The following MAP3K1 variants were observed in gnomAD, a reference collection of about 807,000 sequenced individuals.
MAP3K1 encodes the protein MAP/ERK kinase kinase 1.
In MAP3K1, 36 loss-of-function variants were observed where a neutral mutation model predicts 144.2. The observed-to-expected ratio is 0.25, with a 90% CI of 0.19 to 0.33. The LOEUF (loss-of-function observed/expected upper bound fraction) is 0.33. Among genes scored for constraint, MAP3K1 ranks in the 10% least tolerant of loss-of-function variants. MAP3K1 has a pLI of 1.00. For synonymous variants in MAP3K1, 718 were observed against 688.7 expected, an observed-to-expected ratio of 1.04 and a Z score of -0.67; for missense variants, 1,650 against 1,881.9, an observed-to-expected ratio of 0.88 and a Z score of 2.28.
chr5:56,887,102 A>G (rs940923233), intron 17 of MAP3K1, among the ~76,000 whole-genome samples: 1 of 152,202 alleles, frequency 6.6e-6, no homozygotes, highest in Non-Finnish European at 1.5e-5. Context: ...GTTTTCTGTC[A>G]TTAGTCTTTT....
intron 1 of MAP3K1, chr5:56,817,070 C>A (rs1362464539): frequency 1.0e-6 from 1 of 985,272 alleles, no homozygotes; most frequent in Non-Finnish European, 1.2e-6. Flanking sequence ...CGGTGGGCTT[C>A]GGCTCAGATG....
At position 56,859,762 on chromosome 5, in the gene MAP3K1, C is replaced by T. The variant is rs776313345; in HGVS notation, c.681C>T (p.His227=). Reference sequence around the variant, plus strand: ...AAGGAGATGGATCTGAAATGAATCACTTAGCAGCTGAGTCTCCAGGAGAGG... The same window carrying T: ...AAGGAGATGGATCTGAAATGAATCATTTAGCAGCTGAGTCTCCAGGAGAGG... ...PVKGDGSEMN[H]LAAESPGEVQ... Residue 227 remains histidine, a synonymous_variant, in exon 3 of 20, where the codon CAC becomes CAT. Coordinates refer to ENST00000399503, the MANE Select transcript of MAP3K1 (RefSeq NM_005921.2). The T allele has an allele frequency of 5.0e-6, 8 of 1,613,922 alleles. No homozygotes were observed. Among genetic ancestry groups the T allele is most frequent in the Non-Finnish European group, 6.8e-6 (8 of 1,179,994 alleles).
At chr5:56,874,060 C>G (rs897943783) in intron 9 of MAP3K1, among the ~76,000 whole-genome samples, 1 of 152,106 alleles carries the variant, frequency 6.6e-6, no homozygotes, top group African/African-American at 2.4e-5. Flanking sequence ...ACATTCCTAG[C>G]TTTTTATTAA....
intron 1 of MAP3K1, among the ~76,000 whole-genome samples, chr5:56,828,579 T>C (rs1746388226): frequency 6.6e-6 from 1 of 152,218 alleles, no homozygotes; most frequent in African/African-American, 2.4e-5. Flanking sequence ...CATTAAGTGA[T>C]GAGAAAATCT....
intron 19 of MAP3K1, among the ~76,000 whole-genome samples, chr5:56,891,159 C>CCCA (rs1554036746): frequency 2.8e-5 from 4 of 144,984 alleles, no homozygotes; most frequent in Non-Finnish European, 6.0e-5. Flanking sequence ...CCCCCCCCCC[C>CCCA]CACACACACA....
chr5:56,880,638 A>G, intron 11 of MAP3K1, 73 bp from the exon 12 acceptor site: 2 of 974,272 alleles, frequency 2.1e-6, no homozygotes, highest in East Asian at 2.4e-5. Flanking sequence ...ACAAGGCATT[A>G]CATTACTCCT....
intron 1 of MAP3K1, among the ~76,000 whole-genome samples, chr5:56,822,084 A>C (rs1746172576): frequency 1.3e-5 from 2 of 152,066 alleles, no homozygotes; most frequent in Non-Finnish European, 2.9e-5. Context: ...GCAGTGGCGC[A>C]ATCTTTGCTC....
intron 6 of MAP3K1, among the ~76,000 whole-genome samples, chr5:56,868,821 C>A (rs1747762484): frequency 6.6e-6 from 1 of 151,922 alleles, no homozygotes; most frequent in Admixed American, 6.6e-5. Context: ...ACCCAGGTGT[C>A]CATCAATAAA....
intron 1 of MAP3K1, among the ~76,000 whole-genome samples, chr5:56,841,342 C>T (rs551238662): frequency 5.9e-5 from 9 of 152,068 alleles, no homozygotes; most frequent in African/African-American, 2.2e-4. Context: ...ATACATAATA[C>T]GTGCCTCTCT....
At chr5:56,840,592 C>G (rs1022499797) in intron 1 of MAP3K1, among the ~76,000 whole-genome samples, 1 of 152,160 alleles carries the variant, frequency 6.6e-6, no homozygotes, top group Non-Finnish European at 1.5e-5. Flanking sequence ...TGTATCCCAG[C>G]TTTTCTCCTT....
In MAP3K1 at chr5:56,820,474, A is replaced by G. The variant is rs557354527; in HGVS notation, c.482+4419A>G. The G allele has an allele frequency of 6.1e-6, 6 of 984,356 alleles. No homozygotes were observed. In the South Asian group the frequency reaches 2.8e-4, roughly 46 times the overall value. 61.0% of individuals were successfully genotyped at this position (984,356 alleles called of 1,614,324 possible). A position where few individuals can be genotyped will look rare whatever the true frequency, so the allele number is the denominator to read the frequency against. On this transcript the variant is annotated intron_variant, in intron 1 of 19. Transcript: ENST00000399503. Reference sequence around the variant, plus strand: ...CTGTGCTAAGTTTGCCTGTTAATGTATATAATAGGTATGTTTCTGTAACCT... The same window carrying G: ...CTGTGCTAAGTTTGCCTGTTAATGTGTATAATAGGTATGTTTCTGTAACCT...
At chr5:56,884,954 A>G (rs55746772) in intron 16 of MAP3K1, 128 bp downstream of exon 16, 14,317 of 740,562 alleles carry the variant, frequency 0.019, 197 homozygotes, top group Middle Eastern at 0.037. Flanking sequence ...AATCACCCCA[A>G]TATATTAGTA....
intron 1 of MAP3K1, among the ~76,000 whole-genome samples, chr5:56,819,355 A>G (rs1216608977): frequency 1.3e-5 from 2 of 152,158 alleles, no homozygotes. Flanking sequence ...TATGTTGCAT[A>G]TTTTAGAAAT....
At chr5:56,869,102 AAAAG>A (rs1197922306) in intron 6 of MAP3K1, among the ~76,000 whole-genome samples, 9 of 150,856 alleles carry the variant, frequency 6.0e-5, no homozygotes, top group Non-Finnish European at 1.2e-4. Context: ...AAAAAAAGAG[AAAAG>A]AAAGAAAAGA....
At chr5:56,841,128 G>A (rs1010498915) in intron 1 of MAP3K1, among the ~76,000 whole-genome samples, 3 of 151,520 alleles carry the variant, frequency 2.0e-5, no homozygotes, top group Non-Finnish European at 1.5e-5. Context: ...CCTTTGGGAG[G>A]CCAAGGCAGG....
intron 6 of MAP3K1, among the ~76,000 whole-genome samples, chr5:56,869,694 C>G (rs1157254043): frequency 1.3e-5 from 2 of 152,146 alleles, no homozygotes; most frequent in African/African-American, 4.8e-5. Flanking sequence ...TATAATTTGA[C>G]TAAATTGTGA....
At position 56,875,008 on chromosome 5, in the gene MAP3K1, A is replaced by C. The variant is rs557285221; in HGVS notation, c.1687-24A>C. The stretch of plus-strand genomic sequence containing the variant: ...GTCCATAAGCTTTTCTTTACATTGA[A>C]TTCATCGTGTGTGTTTGATACAGGT... On this transcript the variant is annotated intron_variant, in intron 9 of 19. Coordinates refer to ENST00000399503, the MANE Select transcript of MAP3K1 (RefSeq NM_005921.2). 9.3e-6 allele frequency: 15 copies of C among 1,613,414 alleles called. No homozygotes were observed. In the East Asian group the frequency reaches 2.9e-4, roughly 31 times the overall value.
intron 10 of MAP3K1, among the ~76,000 whole-genome samples, chr5:56,875,711 A>G (rs1279708423): frequency 2.6e-5 from 4 of 152,098 alleles, no homozygotes; most frequent in Non-Finnish European, 5.9e-5. Flanking sequence ...AAACAAAACA[A>G]AACAGAACAA....
intron 1 of MAP3K1, among the ~76,000 whole-genome samples, chr5:56,827,873 AAAAG>A (rs1746368406): frequency 1.3e-5 from 2 of 151,880 alleles, no homozygotes; most frequent in African/African-American, 4.8e-5. Context: ...TCAAAAAAAA[AAAAG>A]AACCTGGGCC....
Sources: allele counts gnomAD v4.1 joint callset (sites outside exome capture counted in the v4.1 genomes callset), GRCh38; gene constraint gnomAD v4.1.1; transcripts MANE v1.5; gene names NCBI Gene and HGNC (gene_info 2026-07-23, HGNC 2026-07-21).